The following HS6ST3 variants were observed in gnomAD, a reference collection of about 807,000 sequenced individuals.
HS6ST3 encodes heparan-sulfate 6-O-sulfotransferase 3.
Under a neutral mutation model 36.7 loss-of-function variants are expected in HS6ST3, and 12 were observed. The ratio of observed to expected loss-of-function variants is 0.33; its 90% CI spans 0.21 to 0.53. HS6ST3 has a LOEUF of 0.53. Among genes scored for constraint, HS6ST3 ranks in the 20% least tolerant of loss-of-function variants. The pLI, the probability that HS6ST3 is intolerant of heterozygous loss-of-function variation, is 0.95. For missense variants in HS6ST3, 584 were observed against 640.9 expected, an observed-to-expected ratio of 0.91 and a Z score of 0.96; for synonymous variants, 240 against 257.5, an observed-to-expected ratio of 0.93 and a Z score of 0.65.
intron 1 of HS6ST3, among the ~76,000 whole-genome samples, chr13:96,390,015 C>CTT (rs112648854): frequency 2.0e-5 from 3 of 151,946 alleles, no homozygotes; most frequent in East Asian, 3.9e-4. Flanking sequence ...GGTTCTTTCT[C>CTT]TTTTTTTTGT....
intron 1 of HS6ST3, among the ~76,000 whole-genome samples, chr13:96,342,761 G>T (rs995502527): frequency 1.3e-5 from 2 of 152,138 alleles, no homozygotes; most frequent in Non-Finnish European, 2.9e-5. Flanking sequence ...TGTCTAGAGG[G>T]AAGCCACGCT....
At chr13:96,514,259 T>C (rs1011834561) in intron 1 of HS6ST3, among the ~76,000 whole-genome samples, 4 of 152,216 alleles carry the variant, frequency 2.6e-5, no homozygotes, top group African/African-American at 9.7e-5. Flanking sequence ...AATGAGAATT[T>C]CCTGGATTTG....
At chr13:96,707,028 T>A (rs1875445104) in intron 1 of HS6ST3, among the ~76,000 whole-genome samples, 1 of 152,186 alleles carries the variant, frequency 6.6e-6, no homozygotes, top group South Asian at 2.1e-4. Context: ...TGACTACAAT[T>A]TCTTTGAGTT....
chr13:96,765,093 G>GTC (rs1228825414), intron 1 of HS6ST3, among the ~76,000 whole-genome samples: 7 of 124,736 alleles, frequency 5.6e-5, no homozygotes, highest in Non-Finnish European at 1.1e-4. Context: ...TTGAGACGGA[G>GTC]TCTCGCTCTG....
chr13:96,717,842 T>TTA (rs1408649417), intron 1 of HS6ST3, among the ~76,000 whole-genome samples: 5 of 152,192 alleles, frequency 3.3e-5, no homozygotes, highest in Admixed American at 6.5e-5. Flanking sequence ...CTTTAGCAGT[T>TTA]GCACATATGT....
At chr13:96,800,580 GA>G (rs1878042137) in intron 1 of HS6ST3, among the ~76,000 whole-genome samples, 1 of 151,854 alleles carries the variant, frequency 6.6e-6, no homozygotes, top group Non-Finnish European at 1.5e-5. Flanking sequence ...CCATTTCTGG[GA>G]AATTCTTTAT....
chr13:96,596,523 T>C (rs1300792860), intron 1 of HS6ST3, among the ~76,000 whole-genome samples: 3 of 152,188 alleles, frequency 2.0e-5, no homozygotes, highest in African/African-American at 7.2e-5. Context: ...TTTTAGTTCC[T>C]TGAGAAATCT....
chr13:96,232,687 G>A (rs1363837095), intron 1 of HS6ST3, among the ~76,000 whole-genome samples: 3 of 152,150 alleles, frequency 2.0e-5, no homozygotes, highest in African/African-American at 7.2e-5. Flanking sequence ...GGCTGTGGGG[G>A]AATCAGGTGC....
intron 1 of HS6ST3, among the ~76,000 whole-genome samples, chr13:96,427,667 A>G (rs2055593923): frequency 6.6e-6 from 1 of 152,190 alleles, no homozygotes; most frequent in African/African-American, 2.4e-5. Context: ...ATCTTGCATA[A>G]TTATAGGACC....
chr13:96,513,560 A>C (rs2056059507), intron 1 of HS6ST3, among the ~76,000 whole-genome samples: 1 of 151,968 alleles, frequency 6.6e-6, no homozygotes, highest in African/African-American at 2.4e-5. Flanking sequence ...TTCTTGGCTG[A>C]GCTCTGCCAG....
At position 96,273,888 on chromosome 13, in the gene HS6ST3, A is replaced by G. The variant is rs192948520; in HGVS notation, c.707+182319A>G. ...CCCTTCCTTTCTACCTTCTGACTCT[A>G]TGTCTTTCTGTGTGGCTTCCCTCCC... On this transcript the variant is annotated intron_variant, in intron 1 of 1. Coordinates refer to ENST00000376705, the MANE Select transcript of HS6ST3 (RefSeq NM_153456.4). 3.4e-5 allele frequency among the ~76,000 whole-genome samples: 5 copies of G among 149,082 alleles called. No individual in the cohort carries two copies. The East Asian group carries it at 1.0e-3, about 30-fold the overall frequency.
intron 1 of HS6ST3, among the ~76,000 whole-genome samples, chr13:96,240,464 A>G (rs910127670): frequency 3.9e-5 from 6 of 152,188 alleles, no homozygotes; most frequent in African/African-American, 1.4e-4. Flanking sequence ...AAAAAGTTCC[A>G]CAGGAACATT....
At chr13:96,799,536 A>G (rs1477593078) in intron 1 of HS6ST3, among the ~76,000 whole-genome samples, 1 of 151,784 alleles carries the variant, frequency 6.6e-6, no homozygotes, top group Non-Finnish European at 1.5e-5. Context: ...CAAGAACAAA[A>G]AACCAAACAC....
chr13:96,228,043 T>C (rs1417677917), intron 1 of HS6ST3, among the ~76,000 whole-genome samples: 1 of 152,198 alleles, frequency 6.6e-6, no homozygotes, highest in East Asian at 1.9e-4. Flanking sequence ...TTGATCTTTC[T>C]TAGAAGGTTA....
chr13:96,742,542 T>C (rs910647192), intron 1 of HS6ST3, among the ~76,000 whole-genome samples: 1 of 152,078 alleles, frequency 6.6e-6, no homozygotes, highest in African/African-American at 2.4e-5. Flanking sequence ...GCCACTACAG[T>C]GAAGTTATTT....
At chr13:96,670,211 G>A (rs1338393008) in intron 1 of HS6ST3, among the ~76,000 whole-genome samples, 2 of 152,176 alleles carry the variant, frequency 1.3e-5, no homozygotes, top group Non-Finnish European at 1.5e-5. Flanking sequence ...GAAGATGGGA[G>A]TGGCTAGCTG....
At chr13:96,122,857 G>T (rs2053932812) in intron 1 of HS6ST3, among the ~76,000 whole-genome samples, 1 of 152,260 alleles carries the variant, frequency 6.6e-6, no homozygotes, top group South Asian at 2.1e-4. Flanking sequence ...GAAATACAAG[G>T]ACAAGCACAC....
At chr13:96,487,941 A>G (rs1013377789) in intron 1 of HS6ST3, among the ~76,000 whole-genome samples, 2 of 152,174 alleles carry the variant, frequency 1.3e-5, no homozygotes, top group African/African-American at 4.8e-5. Context: ...ACAGCTGTGT[A>G]CCACCTGAGA....
At chr13:96,815,578 T>G (rs1878403894) in intron 1 of HS6ST3, among the ~76,000 whole-genome samples, 1 of 152,156 alleles carries the variant, frequency 6.6e-6, no homozygotes, top group Non-Finnish European at 1.5e-5. Context: ...AAGACTAGTC[T>G]TCTGAAGCCT....
Sources: allele counts gnomAD v4.1 joint callset (sites outside exome capture counted in the v4.1 genomes callset), GRCh38; gene constraint gnomAD v4.1.1; transcripts MANE v1.5; gene names NCBI Gene and HGNC (gene_info 2026-07-23, HGNC 2026-07-21).